The following SLC2A13 variants were observed in gnomAD, a reference collection of about 807,000 sequenced individuals.
SLC2A13 encodes the protein solute carrier family 2 member 13.
SLC2A13 carries 32 observed loss-of-function variants against 64.4 expected under a neutral mutation model. That is an observed-to-expected ratio of 0.50 (90% CI 0.37 to 0.67). The LOEUF (loss-of-function observed/expected upper bound fraction) is 0.67, where lower values mean the gene tolerates loss of function less well. SLC2A13 is among the 30% of genes least tolerant of loss of function. The probability of loss-of-function intolerance (pLI) is 0.00; values close to 1 mark genes in which losing one functional copy is unlikely to be tolerated. For synonymous variants in SLC2A13, 338 were observed against 327.1 expected (o/e 1.03, Z -0.36); for missense variants, 743 against 829.2 (o/e 0.90, Z 1.28).
intron 3 of SLC2A13, among the ~76,000 whole-genome samples, chr12:39,993,505 A>C (rs991999757): frequency 1.3e-5 from 2 of 152,254 alleles, no homozygotes; most frequent in African/African-American, 4.8e-5. Flanking sequence ...CGTGAAAGAC[A>C]GGGATTCAGT....
chr12:39,930,662 C>T lies in SLC2A13; in HGVS notation c.1034+20595G>A, dbSNP rs948720151. On this transcript the variant is annotated intron_variant, in intron 4 of 9. Coordinates refer to ENST00000280871, the MANE Select transcript of SLC2A13 (RefSeq NM_052885.4). The stretch of plus-strand genomic sequence containing the variant: ...GGAAAGGGAGGGCCAGGGACAACTG[C>T]CTTTCACAGTAAGATTTATAGTATC... Among the ~76,000 whole-genome samples the T allele has an allele frequency of 2.0e-5, 3 of 152,148 alleles. No individual in the cohort carries two copies. The East Asian group carries it at 5.8e-4, about 29-fold the overall frequency.
chr12:39,893,683 C>A (rs1555126283), intron 4 of SLC2A13, among the ~76,000 whole-genome samples: 1 of 152,166 alleles, frequency 6.6e-6, no homozygotes, highest in Non-Finnish European at 1.5e-5. Flanking sequence ...AAAAACTGAT[C>A]TTTTATGCAA....
intron 1 of SLC2A13, among the ~76,000 whole-genome samples, chr12:40,075,782 T>A (rs1938148100): frequency 6.6e-6 from 1 of 152,188 alleles, no homozygotes; most frequent in African/African-American, 2.4e-5. Context: ...TTGGTTCATT[T>A]TTTTTCCATT....
At chr12:39,945,807 C>A (rs1946122097) in intron 4 of SLC2A13, among the ~76,000 whole-genome samples, 1 of 152,066 alleles carries the variant, frequency 6.6e-6, no homozygotes, top group Non-Finnish European at 1.5e-5. Flanking sequence ...TCTCTGGTCC[C>A]TCCCTGATTA....
chr12:40,023,589 T>G (rs1214871604), intron 3 of SLC2A13, among the ~76,000 whole-genome samples: 1 of 152,250 alleles, frequency 6.6e-6, no homozygotes, highest in Non-Finnish European at 1.5e-5. Context: ...TGTTGGTTGA[T>G]TTTACTTCCT....
chr12:40,049,995 T>C (rs1948230191), intron 1 of SLC2A13, among the ~76,000 whole-genome samples: 1 of 152,102 alleles, frequency 6.6e-6, no homozygotes, highest in African/African-American at 2.4e-5. Flanking sequence ...GTATTAACAG[T>C]CTTCACAATT....
intron 1 of SLC2A13, among the ~76,000 whole-genome samples, chr12:40,086,284 C>T (rs1938586479): frequency 6.6e-6 from 1 of 152,094 alleles, no homozygotes; most frequent in South Asian, 2.1e-4. Context: ...AATCCCACTA[C>T]TCCCCACCTG....
intron 7 of SLC2A13, among the ~76,000 whole-genome samples, chr12:39,776,097 A>C (rs1423081934): frequency 6.6e-6 from 1 of 152,198 alleles, no homozygotes; most frequent in Non-Finnish European, 1.5e-5. Flanking sequence ...TTCTTCTTCC[A>C]TATTGCTGTT....
chr12:40,075,410 G>A (rs1174283273), intron 1 of SLC2A13, among the ~76,000 whole-genome samples: 1 of 152,168 alleles, frequency 6.6e-6, no homozygotes, highest in East Asian at 1.9e-4. Flanking sequence ...AGTTTTGGGG[G>A]TAGTGGTTTG....
intron 3 of SLC2A13, among the ~76,000 whole-genome samples, chr12:39,959,944 T>C (rs563956044): frequency 2.0e-5 from 3 of 152,322 alleles, no homozygotes; most frequent in African/African-American, 7.2e-5. Flanking sequence ...AAGTCCCAGA[T>C]GCATTAGCTA....
intron 3 of SLC2A13, among the ~76,000 whole-genome samples, chr12:39,970,475 C>T (rs1216759638): frequency 2.0e-5 from 3 of 152,100 alleles, no homozygotes; most frequent in African/African-American, 4.8e-5. Context: ...TCATTGGTAC[C>T]TTTGCCTTTT....
chr12:40,076,768 A>G (rs1592062829), intron 1 of SLC2A13, among the ~76,000 whole-genome samples: 1 of 152,180 alleles, frequency 6.6e-6, no homozygotes, highest in East Asian at 1.9e-4. Flanking sequence ...TACCACCACC[A>G]GCACTGTATG....
chr12:40,073,803 A>G (rs1027672700), intron 1 of SLC2A13, among the ~76,000 whole-genome samples: 2 of 151,822 alleles, frequency 1.3e-5, no homozygotes, highest in Non-Finnish European at 2.9e-5. Flanking sequence ...GATCTGGCTT[A>G]TTTCAGGATT....
intron 4 of SLC2A13, among the ~76,000 whole-genome samples, chr12:39,921,858 A>G (rs1945619723): frequency 6.6e-6 from 1 of 152,142 alleles, no homozygotes; most frequent in Admixed American, 6.5e-5. Flanking sequence ...TCAACTTTTC[A>G]GTATGGTAAA....
At chr12:40,057,403 T>C (rs1228443554) in intron 1 of SLC2A13, among the ~76,000 whole-genome samples, 1 of 152,032 alleles carries the variant, frequency 6.6e-6, no homozygotes, top group Non-Finnish European at 1.5e-5. Context: ...AATTTATGGG[T>C]GGGGCAGGAA....
chr12:39,818,437 A>C (rs140745501), intron 7 of SLC2A13, among the ~76,000 whole-genome samples: 398 of 152,332 alleles, frequency 2.6e-3, no homozygotes, highest in African/African-American at 9.1e-3. Context: ...CAATCAGTGA[A>C]GAGCTTACAA....
At chr12:40,064,185 C>T (rs1377332186) in intron 1 of SLC2A13, among the ~76,000 whole-genome samples, 1 of 152,078 alleles carries the variant, frequency 6.6e-6, no homozygotes, top group African/African-American at 2.4e-5. Context: ...TTCAAGGCTG[C>T]AGTGAGCTAT....
chr12:39,850,090 C>A (rs1943427368), intron 6 of SLC2A13, among the ~76,000 whole-genome samples: 1 of 152,046 alleles, frequency 6.6e-6, no homozygotes, highest in South Asian at 2.1e-4. Context: ...TGTCATGTTC[C>A]CTGCTTTGGC....
rs567860239 is a variant in SLC2A13 at position 40,007,069 on chromosome 12, T to C, written c.925+21232A>G. On this transcript the variant is annotated intron_variant, in intron 3 of 9. Coordinates refer to ENST00000280871, the MANE Select transcript of SLC2A13 (RefSeq NM_052885.4). Reference sequence around the variant, plus strand: ...CAGTCATGTGTGTTCAACTTTCGTTTCTTTCTTTCTTACTAAAGTTGACCC... The same window carrying C: ...CAGTCATGTGTGTTCAACTTTCGTTCCTTTCTTTCTTACTAAAGTTGACCC... Among the ~76,000 whole-genome samples the C allele has an allele frequency of 2.0e-5, 3 of 152,322 alleles. No homozygotes were observed. In the East Asian group the frequency reaches 5.8e-4, roughly 29 times the overall value.
Sources: gnomAD v4.1 joint callset for allele counts (sites outside exome capture counted in the v4.1 genomes callset) on GRCh38, gnomAD v4.1.1 for gene constraint, MANE v1.5 for transcripts, NCBI Gene and HGNC (gene_info 2026-07-23, HGNC 2026-07-21) for gene names.